PKD1L1: variants seen among roughly 807,000 people sequenced by gnomAD.
The protein encoded by PKD1L1 is polycystin-1-like protein 1.
In PKD1L1, 236 loss-of-function variants were observed where a neutral mutation model predicts 323.4. That is an observed-to-expected ratio of 0.73 (90% CI 0.66 to 0.81). The LOEUF is 0.81. Among genes scored for constraint, PKD1L1 ranks in the 40% least tolerant of loss-of-function variants. PKD1L1 has a pLI of 0.00. For synonymous variants in PKD1L1, 1,344 were observed against 1,335.0 expected (o/e 1.01, Z -0.15); for missense variants, 3,320 against 3,508.0 (o/e 0.95, Z 1.35).
At chr7:47,836,316 C>G (rs1448635938) in intron 37 of PKD1L1, among the ~76,000 whole-genome samples, 2 of 152,166 alleles carry the variant, frequency 1.3e-5, no homozygotes, top group Admixed American at 1.3e-4. Flanking sequence ...TACGACCCAG[C>G]GGTGAACCCG....
At position 47,812,999 on chromosome 7, in the gene PKD1L1, C is replaced by T. The variant is rs1365901560; in HGVS notation, c.7346+122G>A. On this transcript the variant is annotated intron_variant, in intron 49 of 56. Coordinates refer to ENST00000289672, the MANE Select transcript of PKD1L1 (RefSeq NM_138295.5). ...CTGGCTGGAGCCCCTGGCAGTGGTG[C>T]GCTGACCTCGCAGGCCTGTCAGGAG... The T allele has an allele frequency of 5.2e-5, 63 of 1,205,796 alleles. 1 individual carries two copies. In the East Asian group the frequency reaches 7.8e-4, roughly 15 times the overall value. 74.7% of individuals were successfully genotyped at this position (1,205,796 alleles called of 1,614,324 possible). A position where few individuals can be genotyped will look rare whatever the true frequency, so the allele number is the denominator to read the frequency against.
At chr7:47,917,488 G>A (rs1428553183) in intron 7 of PKD1L1, among the ~76,000 whole-genome samples, 1 of 152,134 alleles carries the variant, frequency 6.6e-6, no homozygotes, top group Non-Finnish European at 1.5e-5. Flanking sequence ...AGAATAGCTG[G>A]GAAATTCATC....
intron 56 of PKD1L1, among the ~76,000 whole-genome samples, chr7:47,776,241 T>A (rs1337627398): frequency 6.6e-6 from 1 of 152,140 alleles, no homozygotes; most frequent in Admixed American, 6.5e-5. Flanking sequence ...TATCAAACAT[T>A]TAAGAAAGAA....
Position 47,894,033 on chromosome 7 carries a change from G to A in PKD1L1, c.2298C>T (p.Tyr766=). 4 of 1,591,158 alleles carry A rather than the reference G, an allele frequency of 2.5e-6. No homozygotes were observed. Among genetic ancestry groups the A allele is most frequent in the Non-Finnish European group, 2.6e-6 (3 of 1,168,400 alleles). Residue 766 remains tyrosine, a synonymous_variant, in exon 15 of 57, where the codon TAC becomes TAT. Coordinates refer to ENST00000289672, the MANE Select transcript of PKD1L1 (RefSeq NM_138295.5). ...CCTCCAGGCCCACACAGTAGTTGCT[G>A]TACACCACACTGCCTTCAATCTGAA... is the stretch of plus-strand genomic sequence containing the variant. ...AKVQIEGSVV[Y]SNYCVGLEVR...
intron 49 of PKD1L1, 88 bp from the exon 50 acceptor site, chr7:47,812,139 G>C: frequency 9.1e-7 from 1 of 1,104,778 alleles, no homozygotes; most frequent in Non-Finnish European, 1.3e-6. Context: ...TCCCATGCTG[G>C]GAACACCCTA....
chr7:47,815,664 G>A (rs988492433), intron 46 of PKD1L1, among the ~76,000 whole-genome samples: 1 of 152,180 alleles, frequency 6.6e-6, no homozygotes, highest in African/African-American at 2.4e-5. Context: ...AGAGAATGGC[G>A]GGTGAAGCAC....
chr7:47,841,452 T>G (rs1366915322), intron 34 of PKD1L1, among the ~76,000 whole-genome samples: 1 of 152,246 alleles, frequency 6.6e-6, no homozygotes, highest in East Asian at 1.9e-4. Flanking sequence ...TGACTGGTCT[T>G]GTAATTCTCT....
rs112886506 is a variant in PKD1L1, at chr7:47,946,995, T to G, written c.44+1402A>C. ...CTTGCAATTCCCTGACTGATAAGAG[T>G]GAAGGTCAAATTGGGCCAACATCAA... On this transcript the variant is annotated intron_variant, in intron 1 of 56. Coordinates refer to ENST00000289672, the MANE Select transcript of PKD1L1 (RefSeq NM_138295.5). The surrounding 1 kb of genome is among the most constrained non-coding windows in gnomAD (Gnocchi z 4.1). Among the ~76,000 whole-genome samples the G allele has an allele frequency of 4.6e-5, 7 of 151,718 alleles. No individual in the cohort carries two copies. Among genetic ancestry groups the G allele is most frequent in the African/African-American group, 1.2e-4 (5 of 41,216 alleles).
At chr7:47,914,095 T>C (rs1787379055) in intron 8 of PKD1L1, among the ~76,000 whole-genome samples, 1 of 152,208 alleles carries the variant, frequency 6.6e-6, no homozygotes, top group South Asian at 2.1e-4. Context: ...TTGCTCATAG[T>C]AGCTGATGAA....
chr7:47,778,214 T>G (rs762489423), intron 56 of PKD1L1, among the ~76,000 whole-genome samples: 6 of 152,096 alleles, frequency 3.9e-5, no homozygotes, highest in Middle Eastern at 3.4e-3. Context: ...TGATGGGGCT[T>G]AGGCTGGGGA....
intron 31 of PKD1L1, among the ~76,000 whole-genome samples, chr7:47,850,427 T>C (rs545880760): frequency 2.5e-4 from 38 of 149,916 alleles, no homozygotes; most frequent in African/African-American, 9.0e-4. Context: ...AGGTCAGGAG[T>C]TCAAGGCCAG....
At position 47,889,551 on chromosome 7, in the gene PKD1L1, T is replaced by G. The variant is rs577501435; in HGVS notation, c.2675+991A>C. On this transcript the variant is annotated intron_variant, in intron 16 of 56. Coordinates refer to ENST00000289672, the MANE Select transcript of PKD1L1 (RefSeq NM_138295.5). Reference sequence around the variant, plus strand: ...ATGGCCCACTCTTATCCACTCAGCCTTATTTTCATGGCTCTAATCTTGAAA... The same window carrying G: ...ATGGCCCACTCTTATCCACTCAGCCGTATTTTCATGGCTCTAATCTTGAAA... 3.9e-5 allele frequency among the ~76,000 whole-genome samples: 6 copies of G among 152,244 alleles called. No homozygotes were observed. The South Asian group carries it at 8.3e-4, about 21-fold the overall frequency.
At position 47,832,374 on chromosome 7, in the gene PKD1L1, G is replaced by A. The variant is rs149662107; in HGVS notation, c.6337+716C>T. Among the ~76,000 whole-genome samples the A allele has an allele frequency of 8.5e-3, 1,289 of 152,316 alleles. 9 individuals are homozygous for A. Among genetic ancestry groups the A allele is most frequent in the Non-Finnish European group, 0.013 (887 of 68,030 alleles). On this transcript the variant is annotated intron_variant, in intron 41 of 56. Transcript: ENST00000289672. ...ATCTACTGCTGATACTTGTGCCTAC[G>A]CTGAAGGCTCACCTGCCTGAAGCTT...
At chr7:47,960,034 A>C in the PKD1L1 span, among the ~76,000 whole-genome samples, 19 of 152,252 alleles carry the variant, frequency 1.2e-4, 1 homozygote, top group South Asian at 3.3e-3. Context: ...AAGAAAAATT[A>C]TTCTGCCTTG....
intron 1 of PKD1L1, among the ~76,000 whole-genome samples, chr7:47,943,882 A>G (rs989674462): frequency 2.6e-5 from 4 of 152,032 alleles, no homozygotes; most frequent in Non-Finnish European, 5.9e-5. Context: ...TTCCTGCCTC[A>G]TCATCCCCAT....
At position 47,940,212 on chromosome 7, in the gene PKD1L1, G is replaced by A. The variant is rs1787955240; in HGVS notation, c.266C>T (p.Ser89Leu). ...GAATACCTTCTGCCTGGAAGCTGATGAGGATGGGCTCTGTGATTCCCGGTC... is the reference window on the plus strand; with the variant it reads ...GAATACCTTCTGCCTGGAAGCTGATAAGGATGGGCTCTGTGATTCCCGGTC... ...AEDRESQSPS[S>L]SASRQKNIWK... is the part of the protein sequence containing the mutation. The change falls in exon 3 of 57, where the codon TCA becomes TTA. Residue 89 changes from serine (S) to leucine (L), a missense_variant. Transcript: ENST00000289672. The A allele has an allele frequency of 3.7e-6, 6 of 1,614,196 alleles. No homozygotes were observed. In the Middle Eastern group the frequency reaches 4.9e-4, roughly 133 times the overall value.
rs1214716039 is a variant in PKD1L1, at chr7:47,931,015, A to T, written c.737+89T>A. On this transcript the variant is annotated intron_variant, in intron 6 of 56. Coordinates refer to ENST00000289672, the MANE Select transcript of PKD1L1 (RefSeq NM_138295.5). ...ACTATAATTAAAGCAAACAACGAAG[A>T]TACTAAAATCACTAACGGATTGGGC... 3 of 1,296,038 alleles carry T rather than the reference A, an allele frequency of 2.3e-6. No homozygotes were observed. The East Asian group carries it at 7.3e-5, about 31-fold the overall frequency. The allele number at this position is 1,296,038 out of a possible 1,614,324, so 80.3% of individuals were successfully genotyped here. A position where few individuals can be genotyped will look rare whatever the true frequency, so the allele number is the denominator to read the frequency against.
chr7:47,836,269 C>T (rs760857861), intron 37 of PKD1L1, among the ~76,000 whole-genome samples: 2 of 152,198 alleles, frequency 1.3e-5, no homozygotes, highest in Non-Finnish European at 2.9e-5. Context: ...ACCCCCACCT[C>T]GGAAACGGAC....
intron 10 of PKD1L1, among the ~76,000 whole-genome samples, 172 bp from the exon 11 acceptor site, chr7:47,905,497 G>A (rs1288992798): frequency 1.3e-5 from 2 of 152,234 alleles, no homozygotes; most frequent in African/African-American, 4.8e-5. Flanking sequence ...GCGGTAGGCA[G>A]TGCTGGCCCT....
Sources: allele counts gnomAD v4.1 joint callset (sites outside exome capture counted in the v4.1 genomes callset), GRCh38; gene constraint gnomAD v4.1.1; non-coding constraint Gnocchi (gnomAD v3.1); transcripts MANE v1.5; gene names NCBI Gene and HGNC (gene_info 2026-07-23, HGNC 2026-07-21).